The following BMP7 variants were observed in gnomAD, a reference collection of about 807,000 sequenced individuals.
BMP7 encodes bone morphogenetic protein 7.
In BMP7, 12 loss-of-function variants were observed where a neutral mutation model predicts 41.2. That is an observed-to-expected ratio of 0.29 (90% CI 0.19 to 0.47). The LOEUF (loss-of-function observed/expected upper bound fraction) is 0.47, where lower values mean the gene tolerates loss of function less well. BMP7 is among the 20% of genes least tolerant of loss of function. The pLI is 0.99. For synonymous variants in BMP7, 248 were observed against 250.0 expected, an observed-to-expected ratio of 0.99 and a Z score of 0.07; for missense variants, 467 against 606.0, an observed-to-expected ratio of 0.77 and a Z score of 2.41.
chr20:57,230,382 CCTGA>C (rs1375846952), intron 1 of BMP7, among the ~76,000 whole-genome samples: 12 of 152,194 alleles, frequency 7.9e-5, no homozygotes, highest in African/African-American at 2.9e-4. Flanking sequence ...GGGCAAAGGG[CCTGA>C]CTGTGTCACC....
At chr20:57,223,288 G>C (rs1985234989) in intron 2 of BMP7, among the ~76,000 whole-genome samples, 1 of 152,008 alleles carries the variant, frequency 6.6e-6, no homozygotes, top group South Asian at 2.1e-4. Context: ...ACAGCTCATG[G>C]GTGAGAAATT....
At chr20:57,263,985 T>G (rs1243743624) in intron 1 of BMP7, among the ~76,000 whole-genome samples, 1 of 152,162 alleles carries the variant, frequency 6.6e-6, no homozygotes, top group Non-Finnish European at 1.5e-5. Flanking sequence ...AGCCCACTCA[T>G]CTGCACCTTG....
rs1368751662 is a variant in BMP7, at chr20:57,183,913, C to T, written c.767G>A (p.Ser256Asn). The stretch of plus-strand genomic sequence containing the variant: ...CAGGCCCGCCAACTTGGGGTTGATG[C>T]TCTGCCCTGGACAGGAAGCAGCCAA... The part of the protein sequence containing the change: ...QLSVETLDGQ[S>N]INPKLAGLIG... The change falls in exon 4 of 7, where the codon AGC becomes AAC. Residue 256 changes from serine to asparagine, a missense_variant. By Grantham distance (46) the Ser-to-Asn change is conservative. Coordinates refer to ENST00000395863, the MANE Select transcript of BMP7 (RefSeq NM_001719.3). 3 of 1,613,626 alleles carry T rather than the reference C, an allele frequency of 1.9e-6. No individual in the cohort carries two copies. Among genetic ancestry groups the T allele is most frequent in the Non-Finnish European group, 2.5e-6 (3 of 1,180,034 alleles).
At chr20:57,195,837 T>C (rs1297139385) in intron 3 of BMP7, among the ~76,000 whole-genome samples, 1 of 152,200 alleles carries the variant, frequency 6.6e-6, no homozygotes, top group Non-Finnish European at 1.5e-5. Context: ...GCTCTCTGCA[T>C]GCAGATAGCC....
intron 1 of BMP7, among the ~76,000 whole-genome samples, chr20:57,236,929 T>C (rs1485672765): frequency 6.6e-6 from 1 of 152,174 alleles, no homozygotes; most frequent in Non-Finnish European, 1.5e-5. Flanking sequence ...GGATAGTAAA[T>C]AATCACCCAG....
intron 2 of BMP7, among the ~76,000 whole-genome samples, chr20:57,218,704 G>GT (rs1292937204): frequency 6.9e-6 from 1 of 145,716 alleles, no homozygotes. Context: ...GTGGTAGCTG[G>GT]GTTTGTTTGG....
In BMP7 at chr20:57,264,281, G is replaced by A. The variant is rs533415897; in HGVS notation, c.418+1424C>T. Among the ~76,000 whole-genome samples the A allele has an allele frequency of 1.4e-3, 208 of 152,284 alleles. 2 individuals are homozygous for A. The highest frequency in any genetic ancestry group is 4.8e-3 in the African/African-American group (198 of 41,566). ...CCAGTCCACGCCCCAGGTGCCCAGCGTGGGGCTTCAGTATCATTATTTCCA... is the reference window on the plus strand; with the variant it reads ...CCAGTCCACGCCCCAGGTGCCCAGCATGGGGCTTCAGTATCATTATTTCCA... On this transcript the variant is annotated intron_variant, in intron 1 of 6. Transcript: ENST00000395863.
In BMP7 at chr20:57,228,736, G is replaced by A. The variant is rs2066017781; in HGVS notation, c.419-315C>T. Among the ~76,000 whole-genome samples, 1 of 152,166 alleles carries A rather than the reference G, an allele frequency of 6.6e-6. No individual in the cohort carries two copies. The highest frequency in any genetic ancestry group is 6.5e-5 in the Admixed American group (1 of 15,270). ...CTCAGGTCCCAGGGGCTCAGGCCTG[G>A]GTTGGAATCTGGCCTCAGCCACTAA... On this transcript the variant is annotated intron_variant, in intron 1 of 6. Transcript: ENST00000395863. The surrounding 1 kb of genome is among the most constrained non-coding windows in gnomAD (Gnocchi z 4.5).
At chr20:57,194,319 A>C (rs1198577363) in intron 3 of BMP7, among the ~76,000 whole-genome samples, 2 of 152,202 alleles carry the variant, frequency 1.3e-5, no homozygotes, top group African/African-American at 4.8e-5. Flanking sequence ...TACAGCCTGC[A>C]GGCCATATCC....
At chr20:57,218,463 G>A (rs1361557156) in intron 2 of BMP7, among the ~76,000 whole-genome samples, 1 of 145,364 alleles carries the variant, frequency 6.9e-6, no homozygotes, top group Non-Finnish European at 1.5e-5. Context: ...TGTTTCTTTG[G>A]TGGTAGCTGG....
At chr20:57,172,994 G>T in intron 6 of BMP7, 2 of 630,860 alleles carry the variant, frequency 3.2e-6, no homozygotes, top group Non-Finnish European at 5.7e-6. Flanking sequence ...TGAACTCCAG[G>T]GTCGAAGATT....
intron 1 of BMP7, among the ~76,000 whole-genome samples, chr20:57,257,826 A>C (rs1264650000): frequency 1.3e-5 from 1 of 75,998 alleles, no homozygotes; most frequent in East Asian, 3.2e-4. Flanking sequence ...CAAGCCACCA[A>C]AAAAAAAAAA....
At chr20:57,237,773 C>T (rs1284736113) in intron 1 of BMP7, among the ~76,000 whole-genome samples, 1 of 152,180 alleles carries the variant, frequency 6.6e-6, no homozygotes, top group East Asian at 1.9e-4. Flanking sequence ...TCAGATAACA[C>T]CTCCACTGTA....
intron 2 of BMP7, among the ~76,000 whole-genome samples, chr20:57,207,622 G>C (rs1984761266): frequency 6.6e-6 from 1 of 152,138 alleles, no homozygotes; most frequent in South Asian, 2.1e-4. Flanking sequence ...CGCTTCAAAG[G>C]ACCGTATAAA....
At chr20:57,253,957 C>T (rs768430371) in intron 1 of BMP7, among the ~76,000 whole-genome samples, 1 of 149,522 alleles carries the variant, frequency 6.7e-6, no homozygotes, top group African/African-American at 2.5e-5. Flanking sequence ...CACAGATGTC[C>T]TTGTTCTGGC....
intron 2 of BMP7, among the ~76,000 whole-genome samples, chr20:57,227,475 T>G (rs750690599): frequency 7.2e-6 from 1 of 138,744 alleles, no homozygotes; most frequent in Non-Finnish European, 1.5e-5. Flanking sequence ...ACAAGTCCCC[T>G]TTCTAGCTGA....
At chr20:57,226,728 A>G (rs12479875) in intron 2 of BMP7, among the ~76,000 whole-genome samples, 29,953 of 151,898 alleles carry the variant, frequency 0.2, 3,143 homozygotes, top group East Asian at 0.33. Context: ...GGCATCAGGG[A>G]CCACCTCAGC....
At chr20:57,194,815 A>T (rs947509253) in intron 3 of BMP7, among the ~76,000 whole-genome samples, 1 of 152,188 alleles carries the variant, frequency 6.6e-6, no homozygotes, top group African/African-American at 2.4e-5. Context: ...AATGCTAGGG[A>T]GTACAGAGAT....
intron 1 of BMP7, among the ~76,000 whole-genome samples, chr20:57,260,347 T>C (rs2066149287): frequency 6.6e-6 from 1 of 152,214 alleles, no homozygotes; most frequent in Non-Finnish European, 1.5e-5. Flanking sequence ...CATGTCCACC[T>C]GCATCTGGAA....
Sources: gnomAD v4.1 joint callset for allele counts (sites outside exome capture counted in the v4.1 genomes callset) on GRCh38, gnomAD v4.1.1 for gene constraint, Gnocchi (gnomAD v3.1) non-coding constraint, MANE v1.5 for transcripts, NCBI Gene and HGNC (gene_info 2026-07-23, HGNC 2026-07-21) for gene names.